Variants in TUB observed in about 807,000 individuals in gnomAD.
TUB encodes the protein TUB bipartite transcription factor.
TUB carries 33 observed loss-of-function variants against 59.7 expected under a neutral mutation model. The ratio of observed to expected loss-of-function variants is 0.55; its 90% CI spans 0.42 to 0.74. The LOEUF (loss-of-function observed/expected upper bound fraction) is 0.74, where lower values mean the gene tolerates loss of function less well. Ranked by LOEUF, TUB falls within the 30% of genes least tolerant of loss-of-function variation. TUB has a pLI of 0.00. For missense variants in TUB, 659 were observed against 672.0 expected (o/e 0.98, Z 0.21); for synonymous variants, 293 against 256.4 (o/e 1.14, Z -1.36).
At position 8,102,698 on chromosome 11, in the gene TUB, G is replaced by A. The variant is rs1944357756; in HGVS notation, c.*1079G>A. 6.6e-6 allele frequency: 1 copy of A among 152,214 alleles called. No homozygotes were observed. Among genetic ancestry groups the A allele is most frequent in the Non-Finnish European group, 1.5e-5 (1 of 68,064 alleles). The allele number at this position is 152,214 out of a possible 1,614,324, so 9.4% of individuals were successfully genotyped here. ...GGTTCTTGGGAGGGAATGGGACAGG[G>A]TGAATAAAGCAGGGAATATTTTAGA... On this transcript the variant is annotated 3_prime_UTR_variant, in exon 12 of 12. Transcript: ENST00000299506.
chr11:8,073,486 G>T (rs1239970192), intron 2 of TUB, among the ~76,000 whole-genome samples: 1 of 152,190 alleles, frequency 6.6e-6, no homozygotes, highest in Admixed American at 6.5e-5. Flanking sequence ...TTTCTGAAAG[G>T]TTACAAAATA....
At chr11:8,028,336 A>G (rs1942528269) in intron 1 of TUB, among the ~76,000 whole-genome samples, 1 of 152,154 alleles carries the variant, frequency 6.6e-6, no homozygotes, top group South Asian at 2.1e-4. Context: ...CATATTTTCA[A>G]TATTAAATTC....
intron 2 of TUB, among the ~76,000 whole-genome samples, chr11:8,072,037 G>A (rs2133797354): frequency 6.6e-6 from 1 of 152,358 alleles, no homozygotes; most frequent in Non-Finnish European, 1.5e-5. Context: ...GGAGGTACAG[G>A]AAGGGGCCAC....
intron 2 of TUB, among the ~76,000 whole-genome samples, chr11:8,050,644 AT>A (rs1191590223): frequency 2.0e-5 from 3 of 151,950 alleles, no homozygotes; most frequent in Admixed American, 6.6e-5. Context: ...TCCTTAATTC[AT>A]TTTTTTTAAA....
intron 2 of TUB, among the ~76,000 whole-genome samples, chr11:8,053,783 G>A (rs1942970806): frequency 6.7e-6 from 1 of 149,238 alleles, no homozygotes; most frequent in Non-Finnish European, 1.5e-5. Context: ...TTACAGGCGT[G>A]AGCCACCGTG....
Position 8,081,257 on chromosome 11 carries a change from C to T in TUB, c.-254C>T, listed in dbSNP as rs1183558882. ...GGGCGCGGGACGGTGCGGTCGGCCTCCCCGCCTCCACGCGCGCGCACGACC... is the reference window on the plus strand; with the variant it reads ...GGGCGCGGGACGGTGCGGTCGGCCTTCCCGCCTCCACGCGCGCGCACGACC... On this transcript the variant is annotated 5_prime_UTR_variant, in exon 1 of 12. Transcript: ENST00000299506. 7 of 562,662 alleles carry T rather than the reference C, an allele frequency of 1.2e-5. No homozygotes were observed. Among genetic ancestry groups the T allele is most frequent in the Non-Finnish European group, 1.4e-5 (6 of 443,786 alleles). The allele number at this position is 562,662 out of a possible 1,614,324, so 34.9% of individuals were successfully genotyped here.
upstream of TUB, among the ~76,000 whole-genome samples, chr11:8,036,896 A>G (rs1183436822): frequency 3.9e-5 from 6 of 152,048 alleles, no homozygotes; most frequent in East Asian, 7.7e-4. Flanking sequence ...TGATAAGTTC[A>G]CCTTTTTTCC....
upstream of TUB, among the ~76,000 whole-genome samples, chr11:8,078,115 G>T (rs1264111016): frequency 6.6e-6 from 1 of 152,096 alleles, no homozygotes; most frequent in Non-Finnish European, 1.5e-5. Flanking sequence ...TTCCCTGGGT[G>T]AACTGATTCT....
intron 10 of TUB, 64 bp from the exon 11 acceptor site, chr11:8,100,762 C>G: frequency 1.3e-6 from 2 of 1,596,164 alleles, no homozygotes; most frequent in East Asian, 2.2e-5. Flanking sequence ...CGGGATAGAT[C>G]CCTTTCTGGG....
At chr11:8,039,759 G>T (rs1942714032) in intron 2 of TUB, 3 of 1,374,300 alleles carry the variant, frequency 2.2e-6, no homozygotes, top group Non-Finnish European at 2.9e-6. Context: ...CTGTGAGGGA[G>T]GTGGGCGGAA....
At chr11:8,060,595 C>T (rs1294383623) in intron 2 of TUB, among the ~76,000 whole-genome samples, 1 of 152,100 alleles carries the variant, frequency 6.6e-6, no homozygotes, top group Non-Finnish European at 1.5e-5. Context: ...CCAGGGTCAC[C>T]CAGAAGCATC....
At position 8,101,670 on chromosome 11, in the gene TUB, G is replaced by A; in HGVS notation, c.*51G>A. 1 of 1,599,172 alleles carries A rather than the reference G, an allele frequency of 6.3e-7. No homozygotes were observed. The highest frequency in any genetic ancestry group is 1.1e-5 in the South Asian group (1 of 89,600). On this transcript the variant is annotated 3_prime_UTR_variant, in exon 12 of 12. Transcript: ENST00000299506. ...GCCCAGCCTGGAGCGGAGCTTGCCT[G>A]CCTGCCTGTGGAGACAGCCCTGCCT...
chr11:8,030,547 A>G (rs1421610427), intron 1 of TUB, among the ~76,000 whole-genome samples: 1 of 152,140 alleles, frequency 6.6e-6, no homozygotes, highest in Non-Finnish European at 1.5e-5. Flanking sequence ...GAATATGAAC[A>G]AAGACAACCC....
intron 2 of TUB, among the ~76,000 whole-genome samples, chr11:8,057,870 G>T (rs61879613): frequency 5.3e-5 from 8 of 152,154 alleles, no homozygotes; most frequent in Non-Finnish European, 8.8e-5. Context: ...CACTGGTTCT[G>T]TCAGCTTTTA....
In TUB at chr11:8,101,537, T is replaced by C. The variant is rs1164755345; in HGVS notation, c.1439T>C (p.Met480Thr). ...CGGGTAGCAGAGGATGTGTTCACCATGGATTACAACTACCCGCTGTGTGCA... is the reference window on the plus strand; with the variant it reads ...CGGGTAGCAGAGGATGTGTTCACCACGGATTACAACTACCCGCTGTGTGCA... ...FGRVAEDVFT[M>T]DYNYPLCALQ... The change falls in exon 12 of 12, where the codon ATG becomes ACG. Residue 480 changes from methionine to threonine, a missense_variant. By Grantham distance (81) the Met-to-Thr change is moderately conservative (BLOSUM62 -1). Coordinates refer to ENST00000299506, the MANE Select transcript of TUB (RefSeq NM_177972.3). 2.5e-6 allele frequency: 4 copies of C among 1,614,132 alleles called. No individual in the cohort carries two copies. The highest frequency in any genetic ancestry group is 3.4e-6 in the Non-Finnish European group (4 of 1,180,058).
chr11:8,062,398 C>T (rs1340542724), intron 2 of TUB, among the ~76,000 whole-genome samples: 3 of 151,950 alleles, frequency 2.0e-5, no homozygotes, highest in Non-Finnish European at 4.4e-5. Flanking sequence ...TGGGCTGAGG[C>T]GGAGGCTGGC....
At chr11:8,049,578 T>TATATATAG (rs1055522231) in intron 2 of TUB, among the ~76,000 whole-genome samples, 889 of 85,900 alleles carry the variant, frequency 0.01, 11 homozygotes, top group African/African-American at 0.023. Context: ...TATATATATA[T>TATATATAG]ATAGATAGAT....
chr11:8,060,776 T>C (rs753047796), intron 2 of TUB, among the ~76,000 whole-genome samples: 1 of 152,248 alleles, frequency 6.6e-6, no homozygotes, highest in Admixed American at 6.5e-5. Flanking sequence ...GGATCCCTTA[T>C]ACTGTTGTAC....
chr11:8,073,879 C>T (rs1357608374), intron 2 of TUB, among the ~76,000 whole-genome samples: 1 of 145,306 alleles, frequency 6.9e-6, no homozygotes, highest in Non-Finnish European at 1.5e-5. Flanking sequence ...TCAGCAAATG[C>T]CTCAGAATAG....
Sources: allele counts gnomAD v4.1 joint callset (sites outside exome capture counted in the v4.1 genomes callset), GRCh38; gene constraint gnomAD v4.1.1; transcripts MANE v1.5; gene names NCBI Gene and HGNC (gene_info 2026-07-23, HGNC 2026-07-21).